The following POU2AF2 variants were observed in gnomAD, a reference collection of about 807,000 sequenced individuals.
The protein encoded by POU2AF2 is POU class 2 homeobox associating factor 2.
the POU2AF2 span, among the ~76,000 whole-genome samples, chr11:111,278,563 TC>T: frequency 9.9e-5 from 8 of 80,600 alleles, no homozygotes; most frequent in Admixed American, 3.0e-4. Context: ...TCTGTCTCTC[TC>T]TCTCTCTCTC....
At chr11:111,285,566 GC>G in the POU2AF2 span, 2 of 1,440,394 alleles carry the variant, frequency 1.4e-6, no homozygotes, top group Non-Finnish European at 1.9e-6. Flanking sequence ...GACGAAGGCT[GC>G]CCTGAAGCCA....
the POU2AF2 span, among the ~76,000 whole-genome samples, chr11:111,253,424 A>G: frequency 6.6e-6 from 1 of 152,166 alleles, no homozygotes; most frequent in African/African-American, 2.4e-5. Flanking sequence ...ATTACCATCC[A>G]CATCACGATG....
At chr11:111,269,533 A>G in the POU2AF2 span, among the ~76,000 whole-genome samples, 12 of 152,144 alleles carry the variant, frequency 7.9e-5, no homozygotes, top group African/African-American at 2.9e-4. Context: ...TTTTAATGTC[A>G]TAAAATTTAA....
chr11:111,283,934 AG>A, the POU2AF2 span: 1 of 781,066 alleles, frequency 1.3e-6, no homozygotes, highest in Non-Finnish European at 2.1e-6. Flanking sequence ...ACGCTTTTCA[AG>A]ACATTTCTCT....
chr11:111,281,837 C>G, the POU2AF2 span, among the ~76,000 whole-genome samples: 1 of 152,184 alleles, frequency 6.6e-6, no homozygotes, highest in African/African-American at 2.4e-5. Flanking sequence ...GCCTATGTCT[C>G]ATTAAATACT....
the POU2AF2 span, among the ~76,000 whole-genome samples, chr11:111,279,843 A>G: frequency 1.6e-3 from 240 of 151,832 alleles, 2 homozygotes; most frequent in African/African-American, 5.5e-3. Context: ...GGAGTTCGAG[A>G]CCAGCCTGGC....
At chr11:111,264,675 G>A in the POU2AF2 span, among the ~76,000 whole-genome samples, 1 of 146,334 alleles carries the variant, frequency 6.8e-6, no homozygotes, top group African/African-American at 2.5e-5. Context: ...GAGGGAGGAA[G>A]GAAGGAGAGA....
At chr11:111,271,151 C>T in the POU2AF2 span, among the ~76,000 whole-genome samples, 22 of 152,126 alleles carry the variant, frequency 1.4e-4, no homozygotes, top group Admixed American at 9.8e-4. Flanking sequence ...GGTGAAACCC[C>T]GTCTCTACTA....
At chr11:111,257,875 T>A in the POU2AF2 span, among the ~76,000 whole-genome samples, 1 of 152,134 alleles carries the variant, frequency 6.6e-6, no homozygotes. Flanking sequence ...CCCAGCACTT[T>A]GGGAGATTGA....
the POU2AF2 span, among the ~76,000 whole-genome samples, chr11:111,268,523 T>C: frequency 1.8e-5 from 2 of 112,476 alleles, no homozygotes; most frequent in Non-Finnish European, 3.9e-5. Flanking sequence ...TTTTATTTTA[T>C]TTTATTTTAT....
the POU2AF2 span, among the ~76,000 whole-genome samples, chr11:111,259,418 C>T: frequency 2.0e-5 from 3 of 151,458 alleles, no homozygotes; most frequent in South Asian, 2.1e-4. Flanking sequence ...CGGGCTCAAG[C>T]AATTCTCCTG....
chr11:111,270,036 A>G, the POU2AF2 span, among the ~76,000 whole-genome samples: 1 of 152,226 alleles, frequency 6.6e-6, no homozygotes, highest in Admixed American at 6.5e-5. Flanking sequence ...TTTAATTACA[A>G]AAGAAATTCA....
chr11:111,278,556 G>GTCTCTCTCTCTC, the POU2AF2 span, among the ~76,000 whole-genome samples: 2 of 148,452 alleles, frequency 1.3e-5, no homozygotes, highest in Middle Eastern at 3.5e-3. Flanking sequence ...CTCTCTCTCT[G>GTCTCTCTCTCTC]TCTCTCTCTC....
the POU2AF2 span, among the ~76,000 whole-genome samples, chr11:111,281,095 A>G: frequency 6.6e-6 from 1 of 152,164 alleles, no homozygotes; most frequent in East Asian, 1.9e-4. Context: ...GTCACTTAAT[A>G]TATATTGGAT....
chr11:111,281,695 A>C, the POU2AF2 span, among the ~76,000 whole-genome samples: 1 of 152,234 alleles, frequency 6.6e-6, no homozygotes, highest in African/African-American at 2.4e-5. Flanking sequence ...CCCTTGATAC[A>C]GTTTTAAATT....
At chr11:111,255,514 C>T in the POU2AF2 span, among the ~76,000 whole-genome samples, 3 of 152,154 alleles carry the variant, frequency 2.0e-5, no homozygotes, top group East Asian at 1.9e-4. Flanking sequence ...TTCTTAGGAA[C>T]GTAATCTTCT....
the POU2AF2 span, among the ~76,000 whole-genome samples, chr11:111,276,468 A>ATATATATATG: frequency 4.0e-5 from 5 of 123,638 alleles, no homozygotes; most frequent in Non-Finnish European, 1.7e-5. Flanking sequence ...ATATATATAT[A>ATATATATATG]TATATATATA....
At chr11:111,254,268 C>A in the POU2AF2 span, among the ~76,000 whole-genome samples, 2 of 152,172 alleles carry the variant, frequency 1.3e-5, no homozygotes, top group Non-Finnish European at 2.9e-5. Flanking sequence ...GTATTTCAAG[C>A]TTCTTTAATT....
At chr11:111,251,094 C>T in the POU2AF2 span, among the ~76,000 whole-genome samples, 21 of 152,170 alleles carry the variant, frequency 1.4e-4, no homozygotes, top group African/African-American at 5.1e-4. Context: ...TAGACTAGGG[C>T]AGGGTGGATG....
Sources: allele counts gnomAD v4.1 joint callset (sites outside exome capture counted in the v4.1 genomes callset), GRCh38; gene constraint gnomAD v4.1.1; transcripts MANE v1.5; gene names NCBI Gene and HGNC (gene_info 2026-07-23, HGNC 2026-07-21).